TINAG: variants seen among roughly 807,000 people sequenced by gnomAD.
TINAG encodes tubulointerstitial nephritis antigen.
Under a neutral mutation model 72.7 loss-of-function variants are expected in TINAG, and 83 were observed. That is an observed-to-expected ratio of 1.14 (90% CI 0.96 to 1.37). TINAG has a LOEUF of 1.37. Among genes scored for constraint, TINAG ranks in the 40% most tolerant of loss-of-function variants. The pLI, the probability that TINAG is intolerant of heterozygous loss-of-function variation, is 0.00. For missense variants in TINAG, 685 were observed against 576.6 expected (o/e 1.19, Z -1.93); for synonymous variants, 234 against 189.9 (o/e 1.23, Z -1.91).
chr6:54,346,802 G>A (rs1001421810), intron 5 of TINAG, among the ~76,000 whole-genome samples: 2 of 151,852 alleles, frequency 1.3e-5, no homozygotes, highest in East Asian at 3.9e-4. Flanking sequence ...TATTAGTCTG[G>A]ATTAGCTTAA....
intron 4 of TINAG, among the ~76,000 whole-genome samples, chr6:54,335,735 A>T (rs988545928): frequency 6.6e-6 from 1 of 152,160 alleles, no homozygotes; most frequent in Non-Finnish European, 1.5e-5. Context: ...TACAGTGACA[A>T]CGAATTTCTT....
intron 9 of TINAG, among the ~76,000 whole-genome samples, chr6:54,375,536 A>T (rs1195463687): frequency 6.6e-6 from 1 of 152,156 alleles, no homozygotes; most frequent in Non-Finnish European, 1.5e-5. Flanking sequence ...ACTCTTTCTC[A>T]TCCCTTTCTT....
chr6:54,313,455 A>G (rs879727893), intron 1 of TINAG, among the ~76,000 whole-genome samples: 1 of 152,166 alleles, frequency 6.6e-6, no homozygotes. Context: ...GTCTTACTGA[A>G]CATACTCTTC....
At chr6:54,341,678 A>T (rs1784998349) in intron 4 of TINAG, among the ~76,000 whole-genome samples, 1 of 151,494 alleles carries the variant, frequency 6.6e-6, no homozygotes, top group South Asian at 2.1e-4. Flanking sequence ...ATCAGAAGTA[A>T]TTTTTTTTTG....
At chr6:54,351,528 A>T in intron 8 of TINAG, 131 bp downstream of exon 8, 1 of 724,280 alleles carries the variant, frequency 1.4e-6, no homozygotes, top group Non-Finnish European at 2.2e-6. Context: ...AGGCTTCAAC[A>T]GTTCTAAAAT....
intron 4 of TINAG, among the ~76,000 whole-genome samples, chr6:54,327,804 C>T (rs1784643569): frequency 6.6e-6 from 1 of 152,038 alleles, no homozygotes; most frequent in African/African-American, 2.4e-5. Context: ...CTTGAGTAGG[C>T]GGTTTTCCCC....
chr6:54,322,095 CAG>C (rs1367662022), intron 3 of TINAG, among the ~76,000 whole-genome samples: 1 of 152,036 alleles, frequency 6.6e-6, no homozygotes. Flanking sequence ...CACTTGAGGC[CAG>C]GAGTTCAAGA....
In TINAG at chr6:54,320,715, G is replaced by A. The variant is rs546830629; in HGVS notation, c.419+73G>A. The A allele has an allele frequency of 2.2e-5, 27 of 1,209,342 alleles. 1 individual carries two copies. The South Asian group carries it at 3.9e-4, about 17-fold the overall frequency. 74.9% of individuals were successfully genotyped at this position (1,209,342 alleles called of 1,614,324 possible). A position where few individuals can be genotyped will look rare whatever the true frequency, so the allele number is the denominator to read the frequency against. On this transcript the variant is annotated intron_variant, in intron 2 of 10. Transcript: ENST00000259782. ...TTTTCTTCAAATAAAAGAAATATTTGTGAACCAAAGTATACATTTATGTAC... is the reference window on the plus strand; with the variant it reads ...TTTTCTTCAAATAAAAGAAATATTTATGAACCAAAGTATACATTTATGTAC...
chr6:54,354,756 A>T (rs982899342), intron 9 of TINAG, 120 bp downstream of exon 9: 87 of 1,154,962 alleles, frequency 7.5e-5, no homozygotes, highest in Non-Finnish European at 1.0e-4. Flanking sequence ...CAAATGAAAA[A>T]TGATCTAAAC....
intron 10 of TINAG, among the ~76,000 whole-genome samples, chr6:54,382,029 A>G (rs551374160): frequency 6.6e-6 from 1 of 152,078 alleles, no homozygotes; most frequent in Admixed American, 6.6e-5. Flanking sequence ...ACATACGCTG[A>G]GTATGATTAT....
At position 54,343,219 on chromosome 6, in the gene TINAG, T is replaced by G. The variant is rs775068184; in HGVS notation, c.625-7T>G. 5 of 1,542,366 alleles carry G rather than the reference T, an allele frequency of 3.2e-6. No homozygotes were observed. Among genetic ancestry groups the G allele is most frequent in the South Asian group, 1.3e-5 (1 of 76,442 alleles). On this transcript the variant is annotated splice_region_variant and splice_polypyrimidine_tract_variant and intron_variant, in intron 4 of 10. Transcript: ENST00000259782. ...ATCTCATATATGTACCTCTTCTTCC[T>G]CTTTAGGCTTCTTTACCTGCAACAA...
rs561945211 is a variant in TINAG, at chr6:54,343,575, G to A, written c.748+226G>A. 3.9e-4 allele frequency among the ~76,000 whole-genome samples: 58 copies of A among 150,568 alleles called. No individual in the cohort carries two copies. The South Asian group carries it at 0.011, about 29-fold the overall frequency. Reference sequence around the variant, plus strand: ...TAGGGTGAAATTTTAAATAGAGAGCGAATCAAAAGAGTGACAAAATAAATT... The same window carrying A: ...TAGGGTGAAATTTTAAATAGAGAGCAAATCAAAAGAGTGACAAAATAAATT... On this transcript the variant is annotated intron_variant, in intron 5 of 10. Coordinates refer to ENST00000259782, the MANE Select transcript of TINAG (RefSeq NM_014464.4).
intron 1 of TINAG, among the ~76,000 whole-genome samples, chr6:54,309,910 T>C (rs530086134): frequency 1.1e-4 from 17 of 152,090 alleles, no homozygotes; most frequent in African/African-American, 3.6e-4. Flanking sequence ...GTTTGTAAAA[T>C]TGAGGAAATG....
chr6:54,320,695 T>G, intron 2 of TINAG, 53 bp downstream of exon 2: 1 of 1,423,604 alleles, frequency 7.0e-7, no homozygotes, highest in Non-Finnish European at 9.6e-7. Flanking sequence ...GTATGTTTTC[T>G]TCAAATAAAA....
intron 1 of TINAG, among the ~76,000 whole-genome samples, chr6:54,312,563 G>A (rs1784282428): frequency 6.6e-6 from 1 of 152,026 alleles, no homozygotes; most frequent in Admixed American, 6.6e-5. Context: ...ATTTAACAGG[G>A]AGATATTTGT....
intron 3 of TINAG, among the ~76,000 whole-genome samples, chr6:54,321,733 G>A (rs750603211): frequency 6.6e-6 from 1 of 152,040 alleles, no homozygotes; most frequent in Non-Finnish European, 1.5e-5. Flanking sequence ...CTCTGCTGCT[G>A]CCCTCACCAA....
chr6:54,380,139 A>G (rs185118704), intron 9 of TINAG, among the ~76,000 whole-genome samples: 1 of 152,120 alleles, frequency 6.6e-6, no homozygotes. Context: ...ATAGTATTCC[A>G]TGGTATATAT....
At chr6:54,312,845 C>G (rs1784289147) in intron 1 of TINAG, among the ~76,000 whole-genome samples, 1 of 152,088 alleles carries the variant, frequency 6.6e-6, no homozygotes, top group Non-Finnish European at 1.5e-5. Context: ...TGGATGCCAC[C>G]TTTTGGTAAC....
chr6:54,370,127 A>G (rs1183934301), intron 9 of TINAG, among the ~76,000 whole-genome samples: 1 of 152,104 alleles, frequency 6.6e-6, no homozygotes, highest in Non-Finnish European at 1.5e-5. Context: ...AGTCTGAAGA[A>G]AAAGAAATAA....
Sources: allele counts gnomAD v4.1 joint callset (sites outside exome capture counted in the v4.1 genomes callset), GRCh38; gene constraint gnomAD v4.1.1; transcripts MANE v1.5; gene names NCBI Gene and HGNC (gene_info 2026-07-23, HGNC 2026-07-21).